GPC6: variants seen among roughly 807,000 people sequenced by gnomAD.
The protein encoded by GPC6 is glypican 6, also known as glypican-6.
A neutral mutation model predicts 55.2 loss-of-function variants in GPC6; 14 were observed. That is an observed-to-expected ratio of 0.25 (90% CI 0.17 to 0.40). The LOEUF is 0.40. Ranked by LOEUF, GPC6 falls within the 10% of genes least tolerant of loss-of-function variation. The pLI, the probability that GPC6 is intolerant of heterozygous loss-of-function variation, is 1.00. For missense variants in GPC6, 641 were observed against 708.5 expected (o/e 0.90, Z 1.08); for synonymous variants, 278 against 259.6 (o/e 1.07, Z -0.68).
At chr13:93,453,742 G>T (rs1183705177) in intron 1 of GPC6, among the ~76,000 whole-genome samples, 1 of 151,644 alleles carries the variant, frequency 6.6e-6, no homozygotes, top group African/African-American at 2.4e-5. Flanking sequence ...GTGGGCTCGT[G>T]GTCTGGCTGA....
intron 4 of GPC6, among the ~76,000 whole-genome samples, chr13:94,124,205 A>G (rs1229877619): frequency 1.3e-5 from 2 of 152,146 alleles, no homozygotes; most frequent in Admixed American, 1.3e-4. Flanking sequence ...CATTTTTACA[A>G]CATGACTCTT....
At chr13:94,226,600 A>G (rs562628009) in intron 4 of GPC6, among the ~76,000 whole-genome samples, 1 of 152,290 alleles carries the variant, frequency 6.6e-6, no homozygotes, top group South Asian at 2.1e-4. Context: ...TCATTCAGCT[A>G]TTGAATTCAT....
intron 1 of GPC6, among the ~76,000 whole-genome samples, chr13:93,231,870 T>A (rs1207807570): frequency 6.6e-6 from 1 of 152,178 alleles, no homozygotes; most frequent in Admixed American, 6.5e-5. Flanking sequence ...AGAGTTGGGT[T>A]ACAGCTGGAT....
At chr13:93,773,931 T>C (rs1885381060) in intron 2 of GPC6, among the ~76,000 whole-genome samples, 1 of 152,162 alleles carries the variant, frequency 6.6e-6, no homozygotes, top group African/African-American at 2.4e-5. Context: ...CCAATAGACA[T>C]CATTTTGCCA....
At chr13:93,469,615 A>G (rs1278683726) in intron 1 of GPC6, among the ~76,000 whole-genome samples, 1 of 152,162 alleles carries the variant, frequency 6.6e-6, no homozygotes, top group Non-Finnish European at 1.5e-5. Context: ...TGGACTCATC[A>G]GCACCAATGT....
chr13:94,331,633 C>T (rs1877425696), intron 6 of GPC6, among the ~76,000 whole-genome samples: 1 of 152,166 alleles, frequency 6.6e-6, no homozygotes, highest in Non-Finnish European at 1.5e-5. Context: ...GGAAGTATTG[C>T]TTGAGTGTCC....
chr13:93,264,345 C>T (rs1315784224), intron 1 of GPC6, among the ~76,000 whole-genome samples: 1 of 152,190 alleles, frequency 6.6e-6, no homozygotes, highest in Non-Finnish European at 1.5e-5. Context: ...GCTCTAGTCT[C>T]ATATATAAAA....
At chr13:93,426,270 T>C (rs1366058415) in intron 1 of GPC6, among the ~76,000 whole-genome samples, 1 of 152,068 alleles carries the variant, frequency 6.6e-6, no homozygotes, top group African/African-American at 2.4e-5. Context: ...AGTTTTAGGG[T>C]ACATGTGCAC....
chr13:93,359,022 G>A (rs991601764), intron 1 of GPC6, among the ~76,000 whole-genome samples: 1 of 147,396 alleles, frequency 6.8e-6, no homozygotes, highest in Non-Finnish European at 1.5e-5. Flanking sequence ...AGGCTGGAGT[G>A]CAGTGGTGTG....
intron 6 of GPC6, among the ~76,000 whole-genome samples, chr13:94,371,650 C>T (rs1229471274): frequency 6.6e-6 from 1 of 152,140 alleles, no homozygotes; most frequent in African/African-American, 2.4e-5. Flanking sequence ...TCTGCTGAAC[C>T]CAGCAGTTGC....
At chr13:94,340,081 A>AAGAT (rs1877953913) in intron 6 of GPC6, among the ~76,000 whole-genome samples, 1 of 152,172 alleles carries the variant, frequency 6.6e-6, no homozygotes, top group African/African-American at 2.4e-5. Context: ...AGTTTGCTTA[A>AAGAT]AGATATAAAT....
chr13:94,087,900 C>A (rs1226911594), intron 4 of GPC6, among the ~76,000 whole-genome samples: 2 of 152,196 alleles, frequency 1.3e-5, no homozygotes, highest in African/African-American at 2.4e-5. Flanking sequence ...CACTGAGCAG[C>A]AATCATTTCT....
chr13:93,887,005 T>C (rs535284210), intron 3 of GPC6, among the ~76,000 whole-genome samples: 46 of 152,146 alleles, frequency 3.0e-4, no homozygotes, highest in Admixed American at 1.6e-3. Flanking sequence ...AACTCAATGA[T>C]AATAAGAATG....
chr13:93,888,028 A>G (rs1339187106), intron 3 of GPC6, among the ~76,000 whole-genome samples: 3 of 152,108 alleles, frequency 2.0e-5, no homozygotes, highest in Non-Finnish European at 4.4e-5. Flanking sequence ...TGACAGAAAA[A>G]CAAAACCAAG....
At chr13:93,623,459 T>TCTTC (rs76270716) in intron 2 of GPC6, among the ~76,000 whole-genome samples, 1 of 124,884 alleles carries the variant, frequency 8.0e-6, no homozygotes, top group Non-Finnish European at 1.8e-5. Context: ...TCTTTTCTTT[T>TCTTC]TTTTTTTTTT....
At chr13:93,745,498 A>C (rs934890041) in intron 2 of GPC6, among the ~76,000 whole-genome samples, 1 of 152,040 alleles carries the variant, frequency 6.6e-6, no homozygotes, top group African/African-American at 2.4e-5. Context: ...TATACTTCTT[A>C]CTGTTTCTAT....
rs535704296 is a variant in GPC6, at chr13:93,254,806, TTC to T, written c.160+27196_160+27197del. ...CTATTCTCATTTGGAAAGCAAAATGTTCTCTCTTAAAAGTAGCAGCTGTAAAA... is the reference window on the plus strand; with the variant it reads ...CTATTCTCATTTGGAAAGCAAAATGTTCTCTTAAAAGTAGCAGCTGTAAAA... On this transcript the variant is annotated intron_variant, in intron 1 of 8. Transcript: ENST00000377047. 2.3e-3 allele frequency among the ~76,000 whole-genome samples: 352 copies of T among 152,268 alleles called. 1 individual carries two copies. Among genetic ancestry groups the T allele is most frequent in the Middle Eastern group, 0.01 (3 of 294 alleles).
intron 1 of GPC6, among the ~76,000 whole-genome samples, chr13:93,291,086 A>G (rs950495515): frequency 2.6e-5 from 4 of 152,148 alleles, no homozygotes; most frequent in African/African-American, 9.7e-5. Flanking sequence ...TAGACAAATG[A>G]TGGCTGATAT....
chr13:93,670,129 C>T (rs999936929), intron 2 of GPC6, among the ~76,000 whole-genome samples: 4 of 152,110 alleles, frequency 2.6e-5, no homozygotes, highest in African/African-American at 7.2e-5. Flanking sequence ...ACTTTTACAG[C>T]CAATAAGCCT....
Sources: gnomAD v4.1 joint callset for allele counts (sites outside exome capture counted in the v4.1 genomes callset) on GRCh38, gnomAD v4.1.1 for gene constraint, MANE v1.5 for transcripts, NCBI Gene and HGNC (gene_info 2026-07-23, HGNC 2026-07-21) for gene names.